The following IL1RAPL2 variants were observed in gnomAD, a reference collection of about 807,000 sequenced individuals.
IL1RAPL2 encodes the protein interleukin 1 receptor accessory protein like 2.
Under a neutral mutation model 44.1 loss-of-function variants are expected in IL1RAPL2, and 3 were observed. The ratio of observed to expected loss-of-function variants is 0.07; its 90% CI spans 0.03 to 0.18. The LOEUF (loss-of-function observed/expected upper bound fraction) is 0.18, where lower values mean the gene tolerates loss of function less well. Ranked by LOEUF, IL1RAPL2 falls within the 10% of genes least tolerant of loss-of-function variation. IL1RAPL2 has a pLI of 1.00. For missense variants in IL1RAPL2, 391 were observed against 496.4 expected (o/e 0.79, Z 2.02); for synonymous variants, 181 against 178.8 (o/e 1.01, Z -0.10).
chrX:104,737,735 A>G (rs1932038994), intron 2 of IL1RAPL2, among the ~76,000 whole-genome samples: 1 of 111,891 alleles, frequency 8.9e-6, no homozygotes, highest in Non-Finnish European at 1.9e-5. Flanking sequence ...GAAGTATTTT[A>G]TTATTCATAG....
intron 2 of IL1RAPL2, among the ~76,000 whole-genome samples, chrX:104,783,342 C>T (rs985136555): frequency 9.0e-6 from 1 of 110,897 alleles, no homozygotes; most frequent in Non-Finnish European, 1.9e-5. Flanking sequence ...GCAAACAGAT[C>T]GCTGAAAGTG....
rs866768731 is a variant in IL1RAPL2 at position 105,046,785 on chromosome X, C to T, written c.83-148690C>T. ...CACCATTCGTTTTTCATTGTCCTTTCTCTACATCGCCTACTTTACCTACAT... is the reference window on the plus strand; with the variant it reads ...CACCATTCGTTTTTCATTGTCCTTTTTCTACATCGCCTACTTTACCTACAT... On this transcript the variant is annotated intron_variant, in intron 2 of 10. Coordinates refer to ENST00000372582, the MANE Select transcript of IL1RAPL2 (RefSeq NM_017416.2). Among the ~76,000 whole-genome samples the T allele has an allele frequency of 5.7e-5, 6 of 104,973 alleles. No homozygotes were observed. The South Asian group carries it at 1.7e-3, about 30-fold the overall frequency. 91.2% of individuals were successfully genotyped at this position (104,973 alleles called of 115,157 possible).
rs770167420 is a variant in IL1RAPL2, at chrX:104,876,836, G to A, written c.82+217841G>A. ...GCTGGTGCGCTGCACCCACTAACTCGTCATCTAGCATTAGGTATATCTCCC... is the reference window on the plus strand; with the variant it reads ...GCTGGTGCGCTGCACCCACTAACTCATCATCTAGCATTAGGTATATCTCCC... On this transcript the variant is annotated intron_variant, in intron 2 of 10. Transcript: ENST00000372582. 8.3e-5 allele frequency among the ~76,000 whole-genome samples: 9 copies of A among 108,095 alleles called. No individual in the cohort carries two copies. The East Asian group carries it at 8.8e-4, about 11-fold the overall frequency. 93.9% of individuals were successfully genotyped at this position (108,095 alleles called of 115,157 possible). A position where few individuals can be genotyped will look rare whatever the true frequency, so the allele number is the denominator to read the frequency against.
chrX:104,628,889 G>A (rs1181264921), intron 1 of IL1RAPL2, among the ~76,000 whole-genome samples: 1 of 112,202 alleles, frequency 8.9e-6, no homozygotes, highest in East Asian at 2.8e-4. Flanking sequence ...TATGCGTTGT[G>A]ATGGTGAAAA....
intron 2 of IL1RAPL2, among the ~76,000 whole-genome samples, chrX:104,891,303 A>G (rs1329648710): frequency 8.9e-6 from 1 of 111,954 alleles, no homozygotes; most frequent in Non-Finnish European, 1.9e-5. Flanking sequence ...GTTCCATATG[A>G]ACTTTAAAGT....
chrX:104,835,556 T>C (rs1921720604), intron 2 of IL1RAPL2, among the ~76,000 whole-genome samples: 1 of 111,758 alleles, frequency 8.9e-6, no homozygotes, highest in African/African-American at 3.2e-5. Context: ...TTTTTGACTA[T>C]GTGTTACATT....
intron 3 of IL1RAPL2, among the ~76,000 whole-genome samples, chrX:105,224,358 T>G (rs1235394196): frequency 1.8e-5 from 2 of 111,893 alleles, no homozygotes; most frequent in Non-Finnish European, 3.8e-5. Context: ...AAGATATCCT[T>G]AGTGATTCAA....
At chrX:104,585,284 A>AT (rs1928503532) in intron 1 of IL1RAPL2, among the ~76,000 whole-genome samples, 1 of 18,505 alleles carries the variant, frequency 5.4e-5, no homozygotes, top group Non-Finnish European at 7.4e-5. Context: ...TATATATTAT[A>AT]TAATATATTA....
intron 2 of IL1RAPL2, among the ~76,000 whole-genome samples, chrX:105,052,074 A>G (rs143566758): frequency 1.5e-3 from 170 of 112,701 alleles, no homozygotes; most frequent in African/African-American, 5.4e-3. Flanking sequence ...GACTTATACA[A>G]CGTATGTTAC....
chrX:104,832,219 G>A (rs1160256093), intron 2 of IL1RAPL2, among the ~76,000 whole-genome samples: 2 of 111,895 alleles, frequency 1.8e-5, no homozygotes, highest in East Asian at 5.6e-4. Context: ...GAGGATAAAT[G>A]TAAAGTATTT....
At chrX:105,387,815 A>T (rs2035488298) in intron 5 of IL1RAPL2, among the ~76,000 whole-genome samples, 1 of 110,541 alleles carries the variant, frequency 9.0e-6, no homozygotes, top group African/African-American at 3.3e-5. Context: ...TTTACAAAAC[A>T]GAAAGTGATT....
chrX:105,455,710 T>G (rs1014756343), intron 5 of IL1RAPL2, among the ~76,000 whole-genome samples: 2 of 112,052 alleles, frequency 1.8e-5, no homozygotes, highest in African/African-American at 6.5e-5. Flanking sequence ...ACCATCCTGT[T>G]TTGGTTGCTG....
At chrX:105,157,940 A>G (rs979487798) in intron 2 of IL1RAPL2, among the ~76,000 whole-genome samples, 3 of 112,114 alleles carry the variant, frequency 2.7e-5, no homozygotes, top group African/African-American at 9.7e-5. Flanking sequence ...AAAGGTGAGC[A>G]TTGGATTCAT....
chrX:104,573,604 CTGTT>C (rs1211127135), intron 1 of IL1RAPL2, among the ~76,000 whole-genome samples: 8 of 112,399 alleles, frequency 7.1e-5, no homozygotes, highest in East Asian at 2.8e-4. Flanking sequence ...CATCTTGACT[CTGTT>C]TGGGAGACAA....
intron 5 of IL1RAPL2, among the ~76,000 whole-genome samples, chrX:105,380,284 C>A (rs1043846487): frequency 1.8e-5 from 2 of 111,256 alleles, no homozygotes; most frequent in African/African-American, 6.5e-5. Context: ...ATAAAATGCT[C>A]CTTTGTTGCT....
chrX:105,691,346 C>T (rs763958667), intron 6 of IL1RAPL2, among the ~76,000 whole-genome samples: 4 of 110,849 alleles, frequency 3.6e-5, no homozygotes, highest in Non-Finnish European at 7.5e-5. Context: ...CTTAATTGAA[C>T]TTGAGCTTAA....
chrX:105,042,976 G>T (rs1260045951), intron 2 of IL1RAPL2, among the ~76,000 whole-genome samples: 2 of 103,390 alleles, frequency 1.9e-5, no homozygotes, highest in Non-Finnish European at 3.9e-5. Flanking sequence ...ACTATCGCAA[G>T]AACAAAAAAA....
chrX:105,428,144 T>G (rs1287241527), intron 5 of IL1RAPL2, among the ~76,000 whole-genome samples: 1 of 111,321 alleles, frequency 9.0e-6, no homozygotes, highest in East Asian at 2.8e-4. Flanking sequence ...AACAAAAAAC[T>G]ACAAAATATT....
intron 2 of IL1RAPL2, among the ~76,000 whole-genome samples, chrX:105,191,908 T>G (rs1227487712): frequency 8.9e-6 from 1 of 111,807 alleles, no homozygotes; most frequent in African/African-American, 3.3e-5. Context: ...GATACAGTTA[T>G]CAAATCACCT....
Sources: allele counts gnomAD v4.1 joint callset (sites outside exome capture counted in the v4.1 genomes callset), GRCh38; gene constraint gnomAD v4.1.1; transcripts MANE v1.5; gene names NCBI Gene and HGNC (gene_info 2026-07-23, HGNC 2026-07-21).